Variants in RAB6A observed in about 807,000 individuals in gnomAD.
RAB6A encodes RAB6A, member RAS oncogene family, also known as ras-related protein Rab-6A.
A neutral mutation model predicts 32.3 loss-of-function variants in RAB6A; 8 were observed. The ratio of observed to expected loss-of-function variants is 0.25; its 90% CI spans 0.15 to 0.45. RAB6A has a LOEUF of 0.45. RAB6A is among the 20% of genes least tolerant of loss of function. The probability of loss-of-function intolerance (pLI) is 1.00; values close to 1 mark genes in which losing one functional copy is unlikely to be tolerated. For missense variants in RAB6A, 104 were observed against 249.4 expected, an observed-to-expected ratio of 0.42 and a Z score of 3.93; for synonymous variants, 73 against 82.1, an observed-to-expected ratio of 0.89 and a Z score of 0.60.
chr11:73,685,657 T>C (rs1418020951), intron 6 of RAB6A, among the ~76,000 whole-genome samples: 1 of 136,432 alleles, frequency 7.3e-6, no homozygotes, highest in Non-Finnish European at 1.5e-5. Context: ...GACGGGTGGA[T>C]CATCTGAGGT....
chr11:73,735,398 C>T (rs1475844354), intron 1 of RAB6A, among the ~76,000 whole-genome samples: 2 of 152,052 alleles, frequency 1.3e-5, no homozygotes, highest in Non-Finnish European at 2.9e-5. Flanking sequence ...CTGAAAAATG[C>T]TGGGGATATA....
chr11:73,724,371 T>C (rs763692040), intron 2 of RAB6A, among the ~76,000 whole-genome samples: 1 of 152,138 alleles, frequency 6.6e-6, no homozygotes, highest in Admixed American at 6.5e-5. Flanking sequence ...AGAACAGTAC[T>C]CTCTTCCTTC....
At chr11:73,695,945 T>C (rs1195675599) in intron 6 of RAB6A, among the ~76,000 whole-genome samples, 3 of 152,214 alleles carry the variant, frequency 2.0e-5, no homozygotes, top group Non-Finnish European at 4.4e-5. Flanking sequence ...TTTTTAGGGA[T>C]AATTTTAATG....
chr11:73,734,849 A>G (rs1254951266), intron 1 of RAB6A, among the ~76,000 whole-genome samples: 1 of 152,210 alleles, frequency 6.6e-6, no homozygotes, highest in Non-Finnish European at 1.5e-5. Flanking sequence ...CAAGACAACT[A>G]CAAGTTGAGT....
intron 1 of RAB6A, among the ~76,000 whole-genome samples, chr11:73,733,720 T>C (rs1051832388): frequency 6.6e-6 from 1 of 152,010 alleles, no homozygotes; most frequent in Non-Finnish European, 1.5e-5. Flanking sequence ...TACAAAAGAA[T>C]ATATACTCTG....
chr11:73,693,421 T>C (rs930115943), intron 6 of RAB6A, among the ~76,000 whole-genome samples: 1 of 152,000 alleles, frequency 6.6e-6, no homozygotes, highest in Non-Finnish European at 1.5e-5. Context: ...CAGAGAAATA[T>C]GTGTTTAAAG....
At chr11:73,730,926 T>C (rs1946292367) in intron 1 of RAB6A, 103 bp from the exon 2 acceptor site, 2 of 775,732 alleles carry the variant, frequency 2.6e-6, no homozygotes, top group Non-Finnish European at 4.4e-6. Context: ...GGGAAATACC[T>C]GCAATGGTTC....
intron 6 of RAB6A, among the ~76,000 whole-genome samples, chr11:73,696,217 G>T (rs1945654008): frequency 6.6e-6 from 1 of 151,964 alleles, no homozygotes; most frequent in African/African-American, 2.4e-5. Context: ...TTTTTATTGA[G>T]ACGGAATTTT....
chr11:73,739,689 G>C (rs1590881494), intron 1 of RAB6A, among the ~76,000 whole-genome samples: 4 of 152,072 alleles, frequency 2.6e-5, no homozygotes, highest in Admixed American at 2.6e-4. Context: ...AAGTGGCAAA[G>C]TAAGTCCTCA....
chr11:73,758,061 G>A (rs1946788019), intron 1 of RAB6A, among the ~76,000 whole-genome samples: 1 of 152,230 alleles, frequency 6.6e-6, no homozygotes, highest in Non-Finnish European at 1.5e-5. Context: ...TTTGAAAGCT[G>A]AATTGTGGAA....
chr11:73,745,854 G>A (rs950433638), intron 1 of RAB6A, among the ~76,000 whole-genome samples: 5 of 151,708 alleles, frequency 3.3e-5, no homozygotes, highest in Non-Finnish European at 7.4e-5. Flanking sequence ...AAAATTAGCA[G>A]GACATGGTGG....
At chr11:73,755,074 G>A (rs1218269733) in intron 1 of RAB6A, among the ~76,000 whole-genome samples, 3 of 148,914 alleles carry the variant, frequency 2.0e-5, no homozygotes, top group Non-Finnish European at 3.0e-5. Context: ...CACTGGGACC[G>A]TCCACCACCA....
intron 6 of RAB6A, among the ~76,000 whole-genome samples, chr11:73,692,910 G>A (rs1241454883): frequency 2.0e-5 from 3 of 151,836 alleles, no homozygotes; most frequent in Non-Finnish European, 4.4e-5. Context: ...GCAGTGAGCC[G>A]AGATCGCGCC....
chr11:73,693,556 C>CTTTT (rs891656563), intron 6 of RAB6A, among the ~76,000 whole-genome samples: 32 of 119,034 alleles, frequency 2.7e-4, no homozygotes, highest in African/African-American at 9.0e-4. Context: ...AAGACTCCAT[C>CTTTT]TTTTTTTTTT....
rs1363569162 is a variant in RAB6A, at chr11:73,704,928, G to A, written c.495+2492C>T. Among the ~76,000 whole-genome samples, 14 of 147,142 alleles carry A rather than the reference G, an allele frequency of 9.5e-5. No individual in the cohort carries two copies. In the East Asian group the frequency reaches 2.7e-3, roughly 28 times the overall value. On this transcript the variant is annotated intron_variant, in intron 6 of 7. Coordinates refer to ENST00000336083, the MANE Select transcript of RAB6A (RefSeq NM_198896.2). ...GGAGAATGGCGTGAACCTGGGAGGCGGAGCTTGCAGTGAGCCGAGATCACG... is the reference window on the plus strand; with the variant it reads ...GGAGAATGGCGTGAACCTGGGAGGCAGAGCTTGCAGTGAGCCGAGATCACG...
At chr11:73,746,530 G>A (rs532627422) in intron 1 of RAB6A, among the ~76,000 whole-genome samples, 1 of 152,126 alleles carries the variant, frequency 6.6e-6, no homozygotes, top group South Asian at 2.1e-4. Context: ...AGCACTTTGG[G>A]AGGCCAAGGC....
Position 73,726,749 on chromosome 11 carries a change from T to TA in RAB6A, c.129+4015dup, listed in dbSNP as rs1255214229. On this transcript the variant is annotated intron_variant, in intron 2 of 7. Coordinates refer to ENST00000336083, the MANE Select transcript of RAB6A (RefSeq NM_198896.2). ...TGGGTGACAGAGTGAAACCCTGTCT[T>TA]AAAAAAAAAAAAATTAGAAGAAAAA... Among the ~76,000 whole-genome samples the TA allele has an allele frequency of 4.7e-3, 648 of 138,404 alleles. 7 individuals are homozygous for TA. The highest frequency in any genetic ancestry group is 0.024 in the Admixed American group (336 of 13,886). The allele number at this position is 138,404 out of a possible 152,430, so 90.8% of individuals were successfully genotyped here.
At chr11:73,697,875 T>A (rs1477333877) in intron 6 of RAB6A, among the ~76,000 whole-genome samples, 1 of 152,238 alleles carries the variant, frequency 6.6e-6, no homozygotes, top group African/African-American at 2.4e-5. Context: ...AATTTCTCTG[T>A]CAGTTCATAT....
chr11:73,680,555 G>A (rs1472057121), intron 6 of RAB6A, among the ~76,000 whole-genome samples: 3 of 152,014 alleles, frequency 2.0e-5, no homozygotes, highest in Non-Finnish European at 4.4e-5. Flanking sequence ...GGGAGACTGA[G>A]GCAGGAGAAT....
Sources: gnomAD v4.1 joint callset for allele counts (sites outside exome capture counted in the v4.1 genomes callset) on GRCh38, gnomAD v4.1.1 for gene constraint, MANE v1.5 for transcripts, NCBI Gene and HGNC (gene_info 2026-07-23, HGNC 2026-07-21) for gene names.